Variants in SLC7A11 observed in about 807,000 individuals in gnomAD.
The protein encoded by SLC7A11 is solute carrier family 7 member 11, also known as cystine/glutamate transporter.
A neutral mutation model predicts 54.5 loss-of-function variants in SLC7A11; 35 were observed. The observed-to-expected ratio is 0.64, with a 90% CI of 0.49 to 0.85. The LOEUF is 0.85. Ranked by LOEUF, SLC7A11 falls within the 40% of genes least tolerant of loss-of-function variation. The probability of loss-of-function intolerance (pLI) is 0.00; values close to 1 mark genes in which losing one functional copy is unlikely to be tolerated. For missense variants in SLC7A11, 583 were observed against 618.1 expected, an observed-to-expected ratio of 0.94 and a Z score of 0.60; for synonymous variants, 230 against 225.2, an observed-to-expected ratio of 1.02 and a Z score of -0.19.
In SLC7A11 at chr4:138,183,187, C is replaced by T. The variant is rs1406647877; in HGVS notation, c.1019+15G>A. Reference sequence around the variant, plus strand: ...AAACAGAAATGTGTTTCTGGAAATACATGAACTCACTCACCTGGAGACAGC... The same window carrying T: ...AAACAGAAATGTGTTTCTGGAAATATATGAACTCACTCACCTGGAGACAGC... On this transcript the variant is annotated intron_variant, in intron 8 of 11. Transcript: ENST00000280612. 2.6e-6 allele frequency: 4 copies of T among 1,557,680 alleles called. No homozygotes were observed. Among genetic ancestry groups the T allele is most frequent in the African/African-American group, 1.4e-5 (1 of 73,750 alleles).
rs1171604601 is a variant in SLC7A11 at position 138,167,062 on chromosome 4, TTAAAAAATAA to T, written c.*4884_*4893del. 6.6e-6 allele frequency: 1 copy of T among 151,496 alleles called. No individual in the cohort carries two copies. The highest frequency in any genetic ancestry group is 1.5e-5 in the Non-Finnish European group (1 of 67,896). The allele number at this position is 151,496 out of a possible 1,614,324, so 9.4% of individuals were successfully genotyped here. On this transcript the variant is annotated 3_prime_UTR_variant, in exon 12 of 12. Transcript: ENST00000280612. ...AATAATTATCTCCCAAAATTGACTA[TTAAAAAATAA>T]TTTTTAAGTACAGTACTAATAAACT...
intron 6 of SLC7A11, among the ~76,000 whole-genome samples, chr4:138,213,345 C>T (rs1298423909): frequency 6.6e-6 from 1 of 152,044 alleles, no homozygotes; most frequent in Non-Finnish European, 1.5e-5. Flanking sequence ...ATTCCTGGTA[C>T]TTGGCCAGAT....
intron 4 of SLC7A11, among the ~76,000 whole-genome samples, chr4:138,220,802 C>T (rs900786119): frequency 6.6e-6 from 1 of 152,200 alleles, no homozygotes; most frequent in Non-Finnish European, 1.5e-5. Context: ...ATGAGACACT[C>T]TCTCTTCCAA....
chr4:138,230,413 T>TAAAAAAAAAAA (rs5862372), intron 3 of SLC7A11, among the ~76,000 whole-genome samples: 1 of 141,428 alleles, frequency 7.1e-6, no homozygotes, highest in Non-Finnish European at 1.5e-5. Context: ...AAATGAAAGC[T>TAAAAAAAAAAA]AAAAAAAAAA....
Position 138,232,380 on chromosome 4 carries a change from G to A in SLC7A11, c.407C>T (p.Pro136Leu), listed in dbSNP as rs781752264. 3.2e-6 allele frequency: 5 copies of A among 1,573,788 alleles called. No individual in the cohort carries two copies. The highest frequency in any genetic ancestry group is 4.4e-6 in the Non-Finnish European group (5 of 1,148,206). The change falls in exon 3 of 12, where the codon CCT becomes CTT. Residue 136 changes from proline (P) to leucine (L), a missense_variant and splice_region_variant. By Grantham distance (98) the Pro-to-Leu change is moderately conservative. Coordinates refer to ENST00000280612, the MANE Select transcript of SLC7A11 (RefSeq NM_014331.4). ...RVWVELLIIR[P>L]AATAVISLAF... The stretch of plus-strand genomic sequence containing the variant: ...CAGGGATATCACAGCAGTAGCTGCA[G>A]GGCTAAAAAAAAATGTATATATTTA...
chr4:138,195,642 C>T (rs1737114188), intron 6 of SLC7A11, among the ~76,000 whole-genome samples: 1 of 152,258 alleles, frequency 6.6e-6, no homozygotes, highest in African/African-American at 2.4e-5. Flanking sequence ...AGTAGGTCTC[C>T]CACCCTGGGT....
intron 6 of SLC7A11, among the ~76,000 whole-genome samples, chr4:138,205,509 T>C (rs756967850): frequency 8.3e-4 from 126 of 152,096 alleles, no homozygotes; most frequent in Non-Finnish European, 1.6e-3. Flanking sequence ...ATCTTGTCTC[T>C]ACCCTTAGTG....
rs150050816 is a variant in SLC7A11 at position 138,223,317 on chromosome 4, C to T, written c.528G>A (p.Val176=). The T allele has an allele frequency of 2.2e-5, 35 of 1,613,294 alleles. No individual in the cohort carries two copies. In the African/African-American group the frequency reaches 3.7e-4, roughly 17 times the overall value. Residue 176 remains valine, a synonymous_variant, in exon 4 of 12, where the codon GTG becomes GTA. Coordinates refer to ENST00000280612, the MANE Select transcript of SLC7A11 (RefSeq NM_014331.4). ...KLITAVGITV[V]MVLNSMSVSW... is the part of the protein sequence containing the mutation. ...TGACACTCATGCTATTTAGGACCAT[C>T]ACTACAGCTGCAAACAAATAGAGGA... is the stretch of plus-strand genomic sequence containing the variant.
intron 6 of SLC7A11, among the ~76,000 whole-genome samples, chr4:138,211,403 T>G (rs1180901356): frequency 6.6e-6 from 1 of 151,866 alleles, no homozygotes; most frequent in Non-Finnish European, 1.5e-5. Context: ...GGGCCACACA[T>G]GTACCCCCTG....
chr4:138,188,581 A>G (rs1051579940), intron 6 of SLC7A11, among the ~76,000 whole-genome samples: 2 of 152,176 alleles, frequency 1.3e-5, no homozygotes, highest in East Asian at 3.9e-4. Flanking sequence ...TCAGGTATCA[A>G]AGTGTAAGAG....
At chr4:138,237,806 C>T (rs1738276297) in intron 1 of SLC7A11, among the ~76,000 whole-genome samples, 1 of 122,812 alleles carries the variant, frequency 8.1e-6, no homozygotes, top group South Asian at 2.9e-4. Context: ...GGCTGCAGTG[C>T]AGTGGCACGA....
At chr4:138,236,990 T>C (rs1738226165) in intron 1 of SLC7A11, among the ~76,000 whole-genome samples, 1 of 144,378 alleles carries the variant, frequency 6.9e-6, no homozygotes, top group South Asian at 2.3e-4. Flanking sequence ...TTTCTTTTTT[T>C]TTTTTTTTTT....
At chr4:138,232,737 A>G (rs1009384446) in intron 2 of SLC7A11, among the ~76,000 whole-genome samples, 1 of 152,240 alleles carries the variant, frequency 6.6e-6, no homozygotes, top group Non-Finnish European at 1.5e-5. Context: ...TCAGTAAGTA[A>G]ACTTCAGCCA....
rs1240539279 is a variant in SLC7A11 at position 138,167,806 on chromosome 4, T to G, written c.*4150A>C. 1 of 152,184 alleles carries G rather than the reference T, an allele frequency of 6.6e-6. No homozygotes were observed. Among genetic ancestry groups the G allele is most frequent in the African/African-American group, 2.4e-5 (1 of 41,458 alleles). The allele number at this position is 152,184 out of a possible 1,614,324, so 9.4% of individuals were successfully genotyped here. On this transcript the variant is annotated 3_prime_UTR_variant, in exon 12 of 12. Coordinates refer to ENST00000280612, the MANE Select transcript of SLC7A11 (RefSeq NM_014331.4). Reference sequence around the variant, plus strand: ...TGGAGGGTAAAGTGAAGCAAGAATATATTCAAGTAAAATAAAATGTCTTTC... The same window carrying G: ...TGGAGGGTAAAGTGAAGCAAGAATAGATTCAAGTAAAATAAAATGTCTTTC...
At chr4:138,186,017 C>T (rs1316679047) in intron 6 of SLC7A11, among the ~76,000 whole-genome samples, 4 of 152,058 alleles carry the variant, frequency 2.6e-5, no homozygotes, top group East Asian at 1.9e-4. Flanking sequence ...CTGTGAAGTA[C>T]GGACGACCGG....
chr4:138,194,509 G>C (rs190246371), intron 6 of SLC7A11, among the ~76,000 whole-genome samples: 1 of 152,040 alleles, frequency 6.6e-6, no homozygotes, highest in Non-Finnish European at 1.5e-5. Context: ...GGGACTCTCT[G>C]CCCAAGGGAA....
chr4:138,237,589 G>A (rs1433705773), intron 1 of SLC7A11, among the ~76,000 whole-genome samples: 3 of 146,626 alleles, frequency 2.0e-5, no homozygotes, highest in African/African-American at 7.6e-5. Flanking sequence ...GTAGAGACAG[G>A]GTTTCACCAT....
chr4:138,192,159 A>G (rs1396008699), intron 6 of SLC7A11, among the ~76,000 whole-genome samples: 1 of 152,188 alleles, frequency 6.6e-6, no homozygotes, highest in African/African-American at 2.4e-5. Context: ...CTACTCACCA[A>G]AAGTCTGTTT....
At position 138,167,851 on chromosome 4, in the gene SLC7A11, ATC is replaced by A. The variant is rs1267490912; in HGVS notation, c.*4103_*4104del. ...TCTTTCATGGGCATTCAAATCCCAC[ATC>A]TCTCTATATTTCTTTCCCAACTAAG... On this transcript the variant is annotated 3_prime_UTR_variant, in exon 12 of 12. Coordinates refer to ENST00000280612, the MANE Select transcript of SLC7A11 (RefSeq NM_014331.4). 8 of 152,120 alleles carry A rather than the reference ATC, an allele frequency of 5.3e-5. No individual in the cohort carries two copies. The highest frequency in any genetic ancestry group is 1.4e-4 in the African/African-American group (6 of 41,434). The allele number at this position is 152,120 out of a possible 1,614,324, so 9.4% of individuals were successfully genotyped here. A position where few individuals can be genotyped will look rare whatever the true frequency, so the allele number is the denominator to read the frequency against.
Sources: allele counts gnomAD v4.1 joint callset (sites outside exome capture counted in the v4.1 genomes callset), GRCh38; gene constraint gnomAD v4.1.1; transcripts MANE v1.5; gene names NCBI Gene and HGNC (gene_info 2026-07-23, HGNC 2026-07-21).